KCND2: variants seen among roughly 807,000 people sequenced by gnomAD.
The protein encoded by KCND2 is A-type voltage-gated potassium channel KCND2.
KCND2 carries 16 observed loss-of-function variants against 54.4 expected under a neutral mutation model. The observed-to-expected ratio is 0.29, with a 90% CI of 0.20 to 0.45. KCND2 has a LOEUF of 0.45. KCND2 is among the 20% of genes least tolerant of loss of function. The pLI, the probability that KCND2 is intolerant of heterozygous loss-of-function variation, is 1.00. For synonymous variants in KCND2, 317 were observed against 310.7 expected (o/e 1.02, Z -0.21); for missense variants, 486 against 824.2 (o/e 0.59, Z 5.02).
intron 1 of KCND2, among the ~76,000 whole-genome samples, chr7:120,616,191 C>T (rs1008933150): frequency 6.6e-6 from 1 of 152,146 alleles, no homozygotes; most frequent in Admixed American, 6.5e-5. Flanking sequence ...AGTCAAATTA[C>T]CTGTATTAAA....
chr7:120,462,322 TTAA>T (rs1449908314), intron 1 of KCND2, among the ~76,000 whole-genome samples: 7 of 151,932 alleles, frequency 4.6e-5, no homozygotes, highest in Non-Finnish European at 1.5e-5. Flanking sequence ...CTTGAGAAAA[TTAA>T]TAAAAATTGA....
At chr7:120,535,045 A>G (rs1791887807) in intron 1 of KCND2, among the ~76,000 whole-genome samples, 1 of 152,172 alleles carries the variant, frequency 6.6e-6, no homozygotes, top group Non-Finnish European at 1.5e-5. Flanking sequence ...GTTGAAATAC[A>G]TGTCTCAATA....
At chr7:120,616,879 C>T (rs116671173) in intron 1 of KCND2, among the ~76,000 whole-genome samples, 3,569 of 152,182 alleles carry the variant, frequency 0.023, 110 homozygotes, top group African/African-American at 0.074. Flanking sequence ...AGTTTTCTTC[C>T]TTCTCTGCCC....
At chr7:120,503,522 C>T (rs1019603717) in intron 1 of KCND2, among the ~76,000 whole-genome samples, 1 of 151,926 alleles carries the variant, frequency 6.6e-6, no homozygotes, top group Admixed American at 6.6e-5. Flanking sequence ...AACTTTCTGT[C>T]TCCCTTTGCA....
At chr7:120,578,018 T>A (rs1281060521) in intron 1 of KCND2, among the ~76,000 whole-genome samples, 1 of 146,628 alleles carries the variant, frequency 6.8e-6, no homozygotes, top group East Asian at 2.0e-4. Context: ...CTGAGCAACA[T>A]GGCAAAACGA....
At chr7:120,342,903 A>G (rs1800261494) in intron 1 of KCND2, among the ~76,000 whole-genome samples, 1 of 152,150 alleles carries the variant, frequency 6.6e-6, no homozygotes, top group Non-Finnish European at 1.5e-5. Flanking sequence ...TGCATGATCA[A>G]TGACAGAAGT....
chr7:120,288,435 G>T (rs1389644660), intron 1 of KCND2, among the ~76,000 whole-genome samples: 1 of 152,064 alleles, frequency 6.6e-6, no homozygotes, highest in Non-Finnish European at 1.5e-5. Context: ...AGGACCTAAA[G>T]ATAGAAAACA....
At chr7:120,371,746 C>T (rs936314025) in intron 1 of KCND2, among the ~76,000 whole-genome samples, 1 of 151,928 alleles carries the variant, frequency 6.6e-6, no homozygotes, top group African/African-American at 2.4e-5. Context: ...TCTACTACAA[C>T]TCCTACAGTA....
intron 1 of KCND2, among the ~76,000 whole-genome samples, chr7:120,544,879 G>A (rs1295078251): frequency 2.6e-5 from 4 of 151,866 alleles, no homozygotes; most frequent in Non-Finnish European, 5.9e-5. Flanking sequence ...AAGAGATACT[G>A]AGTCTAAGAC....
chr7:120,649,240 A>T (rs1209179343), intron 1 of KCND2, among the ~76,000 whole-genome samples: 1 of 152,020 alleles, frequency 6.6e-6, no homozygotes, highest in African/African-American at 2.4e-5. Flanking sequence ...GTTATTATCC[A>T]AGAAATGCAT....
intron 1 of KCND2, among the ~76,000 whole-genome samples, chr7:120,687,676 C>T (rs191458271): frequency 4.9e-4 from 75 of 152,046 alleles, no homozygotes; most frequent in African/African-American, 1.4e-3. Flanking sequence ...ATAAAAAAAC[C>T]CCATCATGTT....
At chr7:120,491,502 C>A (rs1439535872) in intron 1 of KCND2, among the ~76,000 whole-genome samples, 2 of 152,004 alleles carry the variant, frequency 1.3e-5, no homozygotes, top group Non-Finnish European at 2.9e-5. Context: ...TTTAGTAGAA[C>A]TATATGTGTT....
At chr7:120,597,344 C>T (rs550769914) in intron 1 of KCND2, among the ~76,000 whole-genome samples, 31 of 152,116 alleles carry the variant, frequency 2.0e-4, no homozygotes, top group African/African-American at 7.5e-4. Flanking sequence ...AAATATATTC[C>T]AAGAAGAAAT....
intron 1 of KCND2, among the ~76,000 whole-genome samples, chr7:120,659,906 T>C (rs1791845707): frequency 1.3e-5 from 2 of 152,248 alleles, no homozygotes; most frequent in South Asian, 4.1e-4. Flanking sequence ...CAAACCTGTG[T>C]TGTTCAAGAG....
chr7:120,519,943 A>C (rs1457181497), intron 1 of KCND2, among the ~76,000 whole-genome samples: 1 of 152,136 alleles, frequency 6.6e-6, no homozygotes, highest in African/African-American at 2.4e-5. Context: ...TGATTTTGTC[A>C]GGTAAGCCAT....
At chr7:120,613,399 C>T (rs375394173) in intron 1 of KCND2, among the ~76,000 whole-genome samples, 62 of 152,058 alleles carry the variant, frequency 4.1e-4, no homozygotes, top group Non-Finnish European at 1.0e-4. Flanking sequence ...GGTGTAGTGG[C>T]GCACGCCTGT....
intron 1 of KCND2, among the ~76,000 whole-genome samples, chr7:120,660,955 A>G (rs758688024): frequency 2.0e-5 from 3 of 151,646 alleles, no homozygotes; most frequent in Non-Finnish European, 4.4e-5. Flanking sequence ...TAAGGCTTTC[A>G]TTTATTTTTA....
rs536009851 is a variant in KCND2, at chr7:120,411,551, T to A, written c.1115+135804T>A. Among the ~76,000 whole-genome samples the A allele has an allele frequency of 2.0e-5, 3 of 152,090 alleles. No individual in the cohort carries two copies. In the South Asian group the frequency reaches 6.2e-4, roughly 31 times the overall value. On this transcript the variant is annotated intron_variant, in intron 1 of 5. Transcript: ENST00000331113. ...AGCCTGATATCAGGGCACTCAGATC[T>A]ACGCTTTGAGTGACTATGTGTATAT... is the stretch of plus-strand genomic sequence containing the variant.
chr7:120,335,734 C>T (rs954448777), intron 1 of KCND2, among the ~76,000 whole-genome samples: 6 of 152,082 alleles, frequency 3.9e-5, no homozygotes, highest in Non-Finnish European at 8.8e-5. Flanking sequence ...ATCCACCTGC[C>T]TCGTCCTCCC....
Sources: gnomAD v4.1 joint callset for allele counts (sites outside exome capture counted in the v4.1 genomes callset) on GRCh38, gnomAD v4.1.1 for gene constraint, MANE v1.5 for transcripts, NCBI Gene and HGNC (gene_info 2026-07-23, HGNC 2026-07-21) for gene names.